The following C17orf58 variants were observed in gnomAD, a reference collection of about 807,000 sequenced individuals.
The protein encoded by C17orf58 is UPF0450 protein C17orf58.
In C17orf58, 5 loss-of-function variants were observed where a neutral mutation model predicts 7.4. That is an observed-to-expected ratio of 0.67 (90% CI 0.35 to 1.42). C17orf58 has a LOEUF of 1.42. C17orf58 is among the 40% of genes most tolerant of loss of function. The pLI is 0.04. For synonymous variants in C17orf58, 60 were observed against 70.6 expected (o/e 0.85, Z 0.75); for missense variants, 162 against 174.2 (o/e 0.93, Z 0.40).
Position 67,993,054 on chromosome 17 carries a change from C to A in C17orf58, c.819G>T (p.Glu273Asp), listed in dbSNP as rs782491175. ...GGTCAGTTTCAATACCAGGTTTAAA[C>A]TCTGGACACGGCTTATTGCAGCTGG... is the stretch of plus-strand genomic sequence containing the variant. ...DSSSCNKPCP[E>D]FKPGSRYIVM... Residue 273 changes from glutamate (E) to aspartate (D), a missense_variant, in exon 3 of 4, where the codon GAG becomes GAT. By Grantham distance (45) the Glu-to-Asp change is conservative (BLOSUM62 2). Transcript: ENST00000580729. This position sits in a 1 kb window ranked among gnomAD's most constrained non-coding sequence, Gnocchi z 5.1. 5.0e-6 allele frequency: 8 copies of A among 1,614,092 alleles called. No homozygotes were observed. In the East Asian group the frequency reaches 1.8e-4, roughly 36 times the overall value.
In C17orf58 at chr17:67,996,170, C is replaced by T. The variant is rs782653121; in HGVS notation, c.29G>A (p.Cys10Tyr). 3 of 398,932 alleles carry T rather than the reference C, an allele frequency of 7.5e-6. No individual in the cohort carries two copies. The highest frequency in any genetic ancestry group is 1.3e-5 in the Non-Finnish European group (3 of 226,112). 24.7% of individuals were successfully genotyped at this position (398,932 alleles called of 1,614,324 possible). A position where few individuals can be genotyped will look rare whatever the true frequency, so the allele number is the denominator to read the frequency against. MTARAFWLL[C>Y]LIVGSSPEAP... is the part of the protein sequence containing the mutation. ...TTCGGGGGATGATCCGACGATCAAA[C>T]AGAGGAGCCAGAAAGCTCTAGCTGT... Residue 10 changes from cysteine to tyrosine, a missense_variant, in exon 1 of 4, where the codon TGT becomes TAT. Transcript: ENST00000580729.
intron 1 of C17orf58, among the ~76,000 whole-genome samples, chr17:67,995,028 G>A (rs181605460): frequency 1.3e-5 from 2 of 152,138 alleles, no homozygotes; most frequent in African/African-American, 2.4e-5. Context: ...CTCCTTGCTT[G>A]CCTGGGTCCC....
intron 1 of C17orf58, among the ~76,000 whole-genome samples, chr17:67,994,899 C>T (rs1447304119): frequency 3.3e-5 from 5 of 152,098 alleles, no homozygotes; most frequent in Admixed American, 1.3e-4. Flanking sequence ...AATGGTATGG[C>T]ATGAAAACAA....
Position 67,993,265 on chromosome 17 carries a change from C to G in C17orf58, c.638-30G>C. 1.5e-6 allele frequency: 2 copies of G among 1,375,128 alleles called. No individual in the cohort carries two copies. Among genetic ancestry groups the G allele is most frequent in the Admixed American group, 2.2e-5 (1 of 45,056 alleles). The allele number at this position is 1,375,128 out of a possible 1,614,324, so 85.2% of individuals were successfully genotyped here. ...TTCCGAAAAACAGTTTGGAGAAGAG[C>G]ATTACCCCGAGTTCCTCTCCCAGTC... On this transcript the variant is annotated intron_variant, in intron 2 of 3. Coordinates refer to ENST00000580729, the MANE Select transcript of C17orf58 (RefSeq NM_001382359.1). This position sits in a 1 kb window ranked among gnomAD's most constrained non-coding sequence, Gnocchi z 5.1.
chr17:67,993,263 A>T lies in C17orf58; in HGVS notation c.638-28T>A. ...GCTTCCGAAAAACAGTTTGGAGAAGAGCATTACCCCGAGTTCCTCTCCCAG... is the reference window on the plus strand; with the variant it reads ...GCTTCCGAAAAACAGTTTGGAGAAGTGCATTACCCCGAGTTCCTCTCCCAG... On this transcript the variant is annotated intron_variant, in intron 2 of 3. Coordinates refer to ENST00000580729, the MANE Select transcript of C17orf58 (RefSeq NM_001382359.1). This position sits in a 1 kb window ranked among gnomAD's most constrained non-coding sequence, Gnocchi z 5.1. 2.2e-6 allele frequency: 3 copies of T among 1,385,064 alleles called. No individual in the cohort carries two copies. Among genetic ancestry groups the T allele is most frequent in the Non-Finnish European group, 3.0e-6 (3 of 1,011,712 alleles). The allele number at this position is 1,385,064 out of a possible 1,614,324, so 85.8% of individuals were successfully genotyped here.
chr17:67,992,466 G>T (rs138886844), intron 3 of C17orf58, among the ~76,000 whole-genome samples: 2,704 of 151,618 alleles, frequency 0.018, 75 homozygotes, highest in African/African-American at 0.057. Flanking sequence ...TGCTTGGGAG[G>T]CTGAGGCAGG....
intron 1 of C17orf58, among the ~76,000 whole-genome samples, chr17:67,994,516 G>GTATATATATATATA (rs1555699618): frequency 2.2e-5 from 2 of 89,544 alleles, no homozygotes; most frequent in Admixed American, 1.2e-4. Flanking sequence ...GTGTGTGTGT[G>GTATATATATATATA]TATATATATA....
intron 1 of C17orf58, 66 bp downstream of exon 1, chr17:67,996,057 T>C: frequency 2.5e-6 from 1 of 398,726 alleles, no homozygotes; most frequent in Non-Finnish European, 4.4e-6. Context: ...TCACTGAGCC[T>C]CCTTCCCAGC....
At chr17:67,996,072 C>A in intron 1 of C17orf58, 51 bp downstream of exon 1, 1 of 399,046 alleles carries the variant, frequency 2.5e-6, no homozygotes, top group South Asian at 1.3e-4. Context: ...CCCAGCTCCC[C>A]CCCACAGATC....
In C17orf58 at chr17:67,991,676, TTGTC is replaced by T. The variant is rs2070832098; in HGVS notation, c.*233_*236del. The stretch of plus-strand genomic sequence containing the variant: ...TCAATTATCTGAGCTGTGTAAATCA[TTGTC>T]TGGCACTACAGTTGAATCACCTTGA... On this transcript the variant is annotated 3_prime_UTR_variant, in exon 4 of 4. Transcript: ENST00000580729. 2.9e-6 allele frequency: 1 copy of T among 339,572 alleles called. No individual in the cohort carries two copies. The highest frequency in any genetic ancestry group is 5.4e-6 in the Non-Finnish European group (1 of 186,796). 21.0% of individuals were successfully genotyped at this position (339,572 alleles called of 1,614,324 possible).
chr17:67,995,593 A>C (rs782086715), intron 1 of C17orf58, among the ~76,000 whole-genome samples: 6 of 152,236 alleles, frequency 3.9e-5, no homozygotes, highest in Non-Finnish European at 5.9e-5. Context: ...TGCATGAAGT[A>C]TAAGAGTGTG....
In C17orf58 at chr17:67,996,442, T is replaced by G. The variant is rs2070891974; in HGVS notation, c.-244A>C. 3.0e-6 allele frequency: 1 copy of G among 330,998 alleles called. No homozygotes were observed. The highest frequency in any genetic ancestry group is 5.4e-6 in the Non-Finnish European group (1 of 184,156). The allele number at this position is 330,998 out of a possible 1,614,324, so 20.5% of individuals were successfully genotyped here. A position where few individuals can be genotyped will look rare whatever the true frequency, so the allele number is the denominator to read the frequency against. Reference sequence around the variant, plus strand: ...AAGTTGTCCCCGGGAATGTCTGTCCTGTGATCTGCGGGCGAGGAGAGCATC... The same window carrying G: ...AAGTTGTCCCCGGGAATGTCTGTCCGGTGATCTGCGGGCGAGGAGAGCATC... On this transcript the variant is annotated 5_prime_UTR_variant, in exon 1 of 4. Coordinates refer to ENST00000580729, the MANE Select transcript of C17orf58 (RefSeq NM_001382359.1).
In C17orf58 at chr17:67,993,530, G is replaced by A. The variant is rs1555699485; in HGVS notation, c.531C>T (p.Phe177=). 2 of 375,078 alleles carry A rather than the reference G, an allele frequency of 5.3e-6. No individual in the cohort carries two copies. The highest frequency in any genetic ancestry group is 6.7e-4 in the Middle Eastern group (1 of 1,486). 23.2% of individuals were successfully genotyped at this position (375,078 alleles called of 1,614,324 possible). ...PAPPPRFSLS[F]GLSPPQRDAE... is the part of the protein sequence containing the mutation. ...CGTCCCTCTGCGGCGGGCTGAGGCC[G>A]AAGCTGAGGCTGAAGCGCGGCGGCG... Residue 177 remains phenylalanine (F), a synonymous_variant, in exon 2 of 4, where the codon TTC becomes TTT. Coordinates refer to ENST00000580729, the MANE Select transcript of C17orf58 (RefSeq NM_001382359.1). The surrounding 1 kb of genome is among the most constrained non-coding windows in gnomAD (Gnocchi z 5.1).
At position 67,993,082 on chromosome 17, in the gene C17orf58, G is replaced by T. The variant is rs1189349039; in HGVS notation, c.791C>A (p.Ser264Tyr). ...TGGACACGGCTTATTGCAGCTGGAG[G>T]AGTCCAGGGCTAACATGTGGACTCG... is the stretch of plus-strand genomic sequence containing the variant. ...FFRVHMLALD[S>Y]SSCNKPCPEF... Residue 264 changes from serine to tyrosine, a missense_variant, in exon 3 of 4, where the codon TCC becomes TAC. Physicochemically the swap from Ser to Tyr is moderately radical, Grantham distance 144. Around this residue, in one of 3 missense-constraint regions of C17orf58, gnomAD observed 93 missense variants for 90.4 expected, o/e 1.03. Coordinates refer to ENST00000580729, the MANE Select transcript of C17orf58 (RefSeq NM_001382359.1). This position sits in a 1 kb window ranked among gnomAD's most constrained non-coding sequence, Gnocchi z 5.1. The T allele has an allele frequency of 6.2e-7, 1 of 1,614,146 alleles. No individual in the cohort carries two copies.
At position 67,993,155 on chromosome 17, in the gene C17orf58, G is replaced by A; in HGVS notation, c.718C>T (p.Leu240=). The part of the protein sequence containing the change: ...LVTLLVDRDG[L]YKMNRLYLTP... Reference sequence around the variant, plus strand: ...AGGTACAGGCGGTTCATCTTGTACAGCCCGTCCCGATCCACCAGCAGGGTC... The same window carrying A: ...AGGTACAGGCGGTTCATCTTGTACAACCCGTCCCGATCCACCAGCAGGGTC... Residue 240 remains leucine (L), a synonymous_variant, in exon 3 of 4, where the codon CTG becomes TTG. Coordinates refer to ENST00000580729, the MANE Select transcript of C17orf58 (RefSeq NM_001382359.1). The surrounding 1 kb of genome is among the most constrained non-coding windows in gnomAD (Gnocchi z 5.1). 1 of 1,613,724 alleles carries A rather than the reference G, an allele frequency of 6.2e-7. No individual in the cohort carries two copies. The highest frequency in any genetic ancestry group is 1.1e-5 in the South Asian group (1 of 91,060).
chr17:67,994,088 A>T, intron 1 of C17orf58, 104 bp from the exon 2 acceptor site: 3 of 313,568 alleles, frequency 9.6e-6, no homozygotes, highest in Non-Finnish European at 1.7e-5. Flanking sequence ...AGAAGAGGGA[A>T]GGGGAGGCTG....
rs2070831901 is a variant in C17orf58 at position 67,991,666 on chromosome 17, G to C, written c.*247C>G. The C allele has an allele frequency of 6.2e-6, 2 of 324,236 alleles. No individual in the cohort carries two copies. The allele number at this position is 324,236 out of a possible 1,614,324, so 20.1% of individuals were successfully genotyped here. A position where few individuals can be genotyped will look rare whatever the true frequency, so the allele number is the denominator to read the frequency against. ...ACTGGACAGGTCAATTATCTGAGCT[G>C]TGTAAATCATTGTCTGGCACTACAG... is the stretch of plus-strand genomic sequence containing the variant. On this transcript the variant is annotated 3_prime_UTR_variant, in exon 4 of 4. Transcript: ENST00000580729.
At position 67,993,904 on chromosome 17, in the gene C17orf58, G is replaced by A; in HGVS notation, c.157C>T (p.Leu53Phe). 1 of 389,878 alleles carries A rather than the reference G, an allele frequency of 2.6e-6. No individual in the cohort carries two copies. Among genetic ancestry groups the A allele is most frequent in the Non-Finnish European group, 4.5e-6 (1 of 220,972 alleles). The allele number at this position is 389,878 out of a possible 1,614,324, so 24.2% of individuals were successfully genotyped here. A position where few individuals can be genotyped will look rare whatever the true frequency, so the allele number is the denominator to read the frequency against. ...EETPGPRAQP[L>F]LEAPQRPRAA... The stretch of plus-strand genomic sequence containing the variant: ...CGCGGCCGCTGCGGGGCCTCAAGGA[G>A]TGGCTGCGCGCGGGGCCCCGGTGTC... The change falls in exon 2 of 4, where the codon CTC (leucine) becomes TTC (phenylalanine). Residue 53 changes from leucine (L) to phenylalanine (F), a missense_variant. Transcript: ENST00000580729. The surrounding 1 kb of genome is among the most constrained non-coding windows in gnomAD (Gnocchi z 5.1).
intron 1 of C17orf58, among the ~76,000 whole-genome samples, chr17:67,994,516 GTATA>G (rs1555699618): frequency 3.4e-5 from 3 of 89,536 alleles, no homozygotes; most frequent in African/African-American, 1.1e-4. Context: ...GTGTGTGTGT[GTATA>G]TATATATATA....
Sources: allele counts gnomAD v4.1 joint callset (sites outside exome capture counted in the v4.1 genomes callset), GRCh38; gene constraint gnomAD v4.1.1; regional missense constraint gnomAD v4.1.1; non-coding constraint Gnocchi (gnomAD v3.1); transcripts MANE v1.5; gene names NCBI Gene and HGNC (gene_info 2026-07-23, HGNC 2026-07-21).